PPP6R2: variants seen among roughly 807,000 people sequenced by gnomAD.
PPP6R2 encodes the protein serine/threonine-protein phosphatase 6 regulatory subunit 2.
Under a neutral mutation model 100.2 loss-of-function variants are expected in PPP6R2, and 62 were observed. The ratio of observed to expected loss-of-function variants is 0.62; its 90% confidence interval spans 0.50 to 0.76. The LOEUF is 0.76. PPP6R2 is among the 30% of genes least tolerant of loss of function. The pLI is 0.00. For synonymous variants in PPP6R2, 525 were observed against 514.7 expected (o/e 1.02, Z -0.27); for missense variants, 1,142 against 1,276.3 (o/e 0.89, Z 1.60).
At chr22:50,414,167 G>C (rs981957081) in intron 4 of PPP6R2, among the ~76,000 whole-genome samples, 5 of 152,278 alleles carry the variant, frequency 3.3e-5, no homozygotes, top group African/African-American at 1.2e-4. Context: ...GGGGCTGCCA[G>C]TGATGGCCAT....
chr22:50,355,535 T>TA (rs2046326083), intron 1 of PPP6R2, among the ~76,000 whole-genome samples: 1 of 149,792 alleles, frequency 6.7e-6, no homozygotes, highest in Non-Finnish European at 1.5e-5. Context: ...GGCCTTTTTT[T>TA]TTTGAGATAG....
At chr22:50,349,945 C>G (rs967756588) in intron 1 of PPP6R2, among the ~76,000 whole-genome samples, 4 of 151,624 alleles carry the variant, frequency 2.6e-5, no homozygotes, top group African/African-American at 9.7e-5. Flanking sequence ...TGGTGAAACT[C>G]CGTCTCTACT....
intron 22 of PPP6R2, 53 bp from the exon 23 acceptor site, chr22:50,443,813 G>A: frequency 6.6e-7 from 1 of 1,523,222 alleles, no homozygotes; most frequent in Admixed American, 1.9e-5. Flanking sequence ...CATGAGGCGG[G>A]GTGGCACTGA....
At chr22:50,371,249 A>G (rs893820717) in intron 1 of PPP6R2, among the ~76,000 whole-genome samples, 6 of 152,164 alleles carry the variant, frequency 3.9e-5, no homozygotes, top group African/African-American at 7.2e-5. Context: ...CCTGCTACTC[A>G]GCAGGCTGTG....
intron 1 of PPP6R2, among the ~76,000 whole-genome samples, chr22:50,351,683 G>C (rs1180353385): frequency 2.6e-5 from 4 of 152,082 alleles, no homozygotes; most frequent in South Asian, 2.1e-4. Context: ...ACCCAGGCTG[G>C]AGTGCAGTGG....
intron 1 of PPP6R2, among the ~76,000 whole-genome samples, chr22:50,349,337 C>T (rs1321727846): frequency 2.2e-5 from 3 of 138,834 alleles, no homozygotes; most frequent in African/African-American, 8.4e-5. Context: ...GCACTCCAGC[C>T]TGGGCGACAG....
chr22:50,426,557 G>A lies in PPP6R2; in HGVS notation c.1125+2943G>A, dbSNP rs182697427. ...CTTGTTGAAAAGACTGTCCTAGGCC[G>A]GGCACGGTGGTTCACGCCTGTAAAC... On this transcript the variant is annotated intron_variant, in intron 10 of 23. Coordinates refer to ENST00000612753, the MANE Select transcript of PPP6R2 (RefSeq NM_001242898.2). 1.7e-4 allele frequency among the ~76,000 whole-genome samples: 26 copies of A among 152,208 alleles called. No individual in the cohort carries two copies. The East Asian group carries it at 4.2e-3, about 25-fold the overall frequency.
At chr22:50,395,373 A>G (rs2056566103) in intron 3 of PPP6R2, among the ~76,000 whole-genome samples, 1 of 152,028 alleles carries the variant, frequency 6.6e-6, no homozygotes, top group African/African-American at 2.4e-5. Context: ...GGCTGGGGCG[A>G]GAGGGAGAAC....
At chr22:50,410,790 T>C (rs968974055) in intron 4 of PPP6R2, among the ~76,000 whole-genome samples, 3 of 151,662 alleles carry the variant, frequency 2.0e-5, no homozygotes, top group Non-Finnish European at 4.4e-5. Context: ...CATACAAGGA[T>C]TTTGTTTTTG....
chr22:50,406,938 G>A, intron 4 of PPP6R2, 63 bp downstream of exon 4: 3 of 1,507,750 alleles, frequency 2.0e-6, no homozygotes, highest in Non-Finnish European at 2.8e-6. Context: ...GACGTGTCCT[G>A]CTGTGAGCCT....
intron 2 of PPP6R2, among the ~76,000 whole-genome samples, chr22:50,392,378 T>C (rs1018668344): frequency 1.3e-4 from 20 of 149,216 alleles, no homozygotes; most frequent in African/African-American, 4.9e-4. Flanking sequence ...AAATCAAAAC[T>C]GAAGGTAGTG....
At chr22:50,391,270 A>G (rs1221080054) in intron 2 of PPP6R2, among the ~76,000 whole-genome samples, 1 of 151,526 alleles carries the variant, frequency 6.6e-6, no homozygotes, top group African/African-American at 2.4e-5. Flanking sequence ...CATCTCTACT[A>G]AAAATACAAA....
chr22:50,350,900 G>A (rs2044960221), intron 1 of PPP6R2, among the ~76,000 whole-genome samples: 1 of 151,660 alleles, frequency 6.6e-6, no homozygotes, highest in African/African-American at 2.4e-5. Context: ...GAGTATGTTA[G>A]CAGGCATGAC....
intron 4 of PPP6R2, among the ~76,000 whole-genome samples, chr22:50,413,933 C>A (rs1302324536): frequency 6.6e-6 from 1 of 152,238 alleles, no homozygotes. Context: ...TACCTTGGAT[C>A]CGCCGTCTGA....
At chr22:50,384,451 A>C (rs1011770881) in intron 2 of PPP6R2, among the ~76,000 whole-genome samples, 6 of 152,116 alleles carry the variant, frequency 3.9e-5, no homozygotes, top group African/African-American at 1.4e-4. Context: ...GCTACTCAGG[A>C]GGCTGAGGCA....
rs752363053 is a variant in PPP6R2, at chr22:50,406,725, T to C, written c.264T>C (p.Asp88=). The part of the protein sequence containing the change: ...PNTACELLTC[D]VPQISDRLGG... ...CAGCCTGTGAGCTTCTGACTTGTGA[T>C]GTGCCGCAGATCAGCGACCGCCTCG... is the stretch of plus-strand genomic sequence containing the variant. Residue 88 remains aspartate, a synonymous_variant, in exon 4 of 24, where the codon GAT becomes GAC. Coordinates refer to ENST00000612753, the MANE Select transcript of PPP6R2 (RefSeq NM_001242898.2). 6.8e-6 allele frequency: 11 copies of C among 1,613,900 alleles called. No individual in the cohort carries two copies. Among genetic ancestry groups the C allele is most frequent in the African/African-American group, 1.3e-5 (1 of 74,912 alleles).
At chr22:50,373,179 G>A (rs558993423) in intron 2 of PPP6R2, among the ~76,000 whole-genome samples, 13 of 152,010 alleles carry the variant, frequency 8.6e-5, no homozygotes, top group East Asian at 1.9e-4. Context: ...ATACTCTTAC[G>A]AGGCTCTTCC....
At chr22:50,403,835 G>A (rs1052873640) in intron 3 of PPP6R2, among the ~76,000 whole-genome samples, 33 of 152,140 alleles carry the variant, frequency 2.2e-4, no homozygotes, top group African/African-American at 8.0e-4. Flanking sequence ...CCAGCCAGCC[G>A]AGATCATTGC....
intron 22 of PPP6R2, among the ~76,000 whole-genome samples, chr22:50,441,367 G>A (rs1300876883): frequency 6.6e-6 from 1 of 152,224 alleles, no homozygotes; most frequent in Non-Finnish European, 1.5e-5. Context: ...ATCCCAGTTG[G>A]AGAGAACAGC....
Sources: allele counts gnomAD v4.1 joint callset (sites outside exome capture counted in the v4.1 genomes callset), GRCh38; gene constraint gnomAD v4.1.1; transcripts MANE v1.5; gene names NCBI Gene and HGNC (gene_info 2026-07-23, HGNC 2026-07-21).